Variants in KCNN2 observed in about 807,000 individuals in gnomAD.
The protein encoded by KCNN2 is potassium calcium-activated channel subfamily N member 2, also known as small conductance calcium-activated potassium channel protein 2.
KCNN2 carries 24 observed loss-of-function variants against 55.5 expected under a neutral mutation model. That is an observed-to-expected ratio of 0.43 (90% CI 0.31 to 0.61). The LOEUF (loss-of-function observed/expected upper bound fraction) is 0.61. Ranked by LOEUF, KCNN2 falls within the 20% of genes least tolerant of loss-of-function variation. The pLI is 0.08. For synonymous variants in KCNN2, 431 were observed against 336.1 expected, an observed-to-expected ratio of 1.28 and a Z score of -3.09; for missense variants, 754 against 853.6, an observed-to-expected ratio of 0.88 and a Z score of 1.45.
intron 2 of KCNN2, among the ~76,000 whole-genome samples, chr5:114,382,858 C>T (rs977070431): frequency 6.6e-6 from 1 of 152,228 alleles, no homozygotes; most frequent in African/African-American, 2.4e-5. Flanking sequence ...TTGGGCCTGT[C>T]TGCTCATGTT....
intron 1 of KCNN2, among the ~76,000 whole-genome samples, chr5:114,160,766 C>T (rs1234724264): frequency 1.3e-5 from 2 of 152,096 alleles, no homozygotes; most frequent in South Asian, 2.1e-4. Flanking sequence ...TAATGGCCTT[C>T]TTTGTCTCTT....
chr5:114,451,135 T>C (rs969111295), intron 3 of KCNN2, among the ~76,000 whole-genome samples: 2 of 152,214 alleles, frequency 1.3e-5, no homozygotes, highest in Non-Finnish European at 2.9e-5. Context: ...TATTCCAATA[T>C]GACATGTAAA....
chr5:114,160,703 A>G (rs1309963630), intron 1 of KCNN2, among the ~76,000 whole-genome samples: 2 of 152,118 alleles, frequency 1.3e-5, no homozygotes, highest in Non-Finnish European at 2.9e-5. Context: ...TTGGGTGCAT[A>G]TATATTTAGG....
chr5:114,300,394 G>C (rs1365741842), intron 2 of KCNN2, among the ~76,000 whole-genome samples: 1 of 152,142 alleles, frequency 6.6e-6, no homozygotes, highest in Admixed American at 6.5e-5. Flanking sequence ...AACGGCTTTA[G>C]AGTGAAATCA....
chr5:114,457,539 A>G (rs926516727), intron 3 of KCNN2, among the ~76,000 whole-genome samples: 2 of 152,168 alleles, frequency 1.3e-5, no homozygotes, highest in African/African-American at 4.8e-5. Flanking sequence ...TACCTATGTT[A>G]TCACAGTCTT....
intron 2 of KCNN2, among the ~76,000 whole-genome samples, chr5:114,333,859 C>T (rs966999617): frequency 6.6e-6 from 1 of 152,164 alleles, no homozygotes; most frequent in Non-Finnish European, 1.5e-5. Context: ...CTTTAGTTGT[C>T]TACTCGTAGC....
rs1211786288 is a variant in KCNN2 at position 114,151,588 on chromosome 5, C to G, written c.-270-69892C>G. On this transcript the variant is annotated intron_variant, in intron 1 of 10. Transcript: ENST00000512097. ...GGTCAATTCAATGACCTGTTTTGAT[C>G]AATCACATTGAGCATGTGATGGTAT... Among the ~76,000 whole-genome samples the G allele has an allele frequency of 2.0e-5, 3 of 152,020 alleles. No homozygotes were observed. In the East Asian group the frequency reaches 5.8e-4, roughly 29 times the overall value.
intron 2 of KCNN2, among the ~76,000 whole-genome samples, chr5:114,223,289 A>T (rs1249359499): frequency 6.6e-6 from 1 of 152,158 alleles, no homozygotes; most frequent in Non-Finnish European, 1.5e-5. Context: ...TACAGTGAGG[A>T]TTCTGATTCT....
intron 1 of KCNN2, among the ~76,000 whole-genome samples, chr5:114,209,604 G>C (rs1753838539): frequency 6.6e-6 from 1 of 152,054 alleles, no homozygotes; most frequent in Non-Finnish European, 1.5e-5. Context: ...AATGGCAAAA[G>C]TTCCTGAGGA....
chr5:114,280,729 A>T (rs2150012739), intron 2 of KCNN2, among the ~76,000 whole-genome samples: 1 of 152,214 alleles, frequency 6.6e-6, no homozygotes, highest in South Asian at 2.1e-4. Context: ...CTTCTATACA[A>T]TCTGTTGCCC....
At chr5:114,295,486 C>T (rs1457382121) in intron 2 of KCNN2, among the ~76,000 whole-genome samples, 1 of 152,196 alleles carries the variant, frequency 6.6e-6, no homozygotes, top group Non-Finnish European at 1.5e-5. Context: ...ACTCCATGGG[C>T]ATGGGACCCT....
At chr5:114,461,804 T>C (rs908210043) in intron 3 of KCNN2, among the ~76,000 whole-genome samples, 3 of 151,208 alleles carry the variant, frequency 2.0e-5, no homozygotes, top group African/African-American at 7.3e-5. Context: ...GGGCTCTGGC[T>C]AGGAGCAGCC....
intron 3 of KCNN2, among the ~76,000 whole-genome samples, chr5:114,461,468 A>C (rs1032846498): frequency 3.3e-5 from 5 of 152,154 alleles, no homozygotes; most frequent in African/African-American, 9.7e-5. Flanking sequence ...CCAGGAGATC[A>C]GTGATTGCCC....
At position 114,225,629 on chromosome 5, in the gene KCNN2, A is replaced by G. The variant is rs146068848; in HGVS notation, c.-185+4064A>G. Among the ~76,000 whole-genome samples, 551 of 152,296 alleles carry G rather than the reference A, an allele frequency of 3.6e-3. 5 individuals are homozygous for G. The highest frequency in any genetic ancestry group is 5.7e-3 in the Non-Finnish European group (391 of 68,004). ...AAATGAATGAATGAGTCTAAGCATA[A>G]AAAGGCAAATTTTGAGAACACCAAG... On this transcript the variant is annotated intron_variant, in intron 2 of 10. Transcript: ENST00000512097.
At chr5:114,433,183 C>A (rs1194271812) in intron 3 of KCNN2, among the ~76,000 whole-genome samples, 1 of 152,162 alleles carries the variant, frequency 6.6e-6, no homozygotes, top group African/African-American at 2.4e-5. Flanking sequence ...TATGTCTAGC[C>A]CAGGGATTGT....
chr5:114,235,773 G>T (rs1754478599), intron 2 of KCNN2, among the ~76,000 whole-genome samples: 1 of 152,130 alleles, frequency 6.6e-6, no homozygotes, highest in Non-Finnish European at 1.5e-5. Flanking sequence ...TCTACTTTGA[G>T]ATTAAAATTT....
intron 2 of KCNN2, among the ~76,000 whole-genome samples, chr5:114,285,988 C>T (rs903411658): frequency 2.0e-5 from 3 of 150,130 alleles, no homozygotes; most frequent in Admixed American, 6.7e-5. Context: ...GGCATGATCT[C>T]GACTCACAGC....
intron 5 of KCNN2, among the ~76,000 whole-genome samples, chr5:114,476,620 C>T (rs758217489): frequency 2.6e-5 from 4 of 151,992 alleles, no homozygotes; most frequent in Non-Finnish European, 5.9e-5. Flanking sequence ...GGGGTTTCTC[C>T]ATGTTGGTCA....
intron 2 of KCNN2, among the ~76,000 whole-genome samples, chr5:114,303,209 ATCAGACAC>A (rs1374214854): frequency 2.0e-5 from 3 of 152,244 alleles, no homozygotes; most frequent in Non-Finnish European, 2.9e-5. Flanking sequence ...CCTACTTGGT[ATCAGACAC>A]TCTACTTCGC....
Sources: gnomAD v4.1 joint callset for allele counts (sites outside exome capture counted in the v4.1 genomes callset) on GRCh38, gnomAD v4.1.1 for gene constraint, MANE v1.5 for transcripts, NCBI Gene and HGNC (gene_info 2026-07-23, HGNC 2026-07-21) for gene names.